The following LYPD6 variants were observed in gnomAD, a reference collection of about 807,000 sequenced individuals.
LYPD6 encodes ly6/PLAUR domain-containing protein 6.
A neutral mutation model predicts 22.7 loss-of-function variants in LYPD6; 15 were observed. The observed-to-expected ratio is 0.66, with a 90% CI of 0.44 to 1.02. The LOEUF is 1.02. Among genes scored for constraint, LYPD6 ranks in the 50% least tolerant of loss-of-function variants. The pLI, the probability that LYPD6 is intolerant of heterozygous loss-of-function variation, is 0.00. For synonymous variants in LYPD6, 72 were observed against 77.5 expected, an observed-to-expected ratio of 0.93 and a Z score of 0.37; for missense variants, 189 against 208.4, an observed-to-expected ratio of 0.91 and a Z score of 0.57.
intron 1 of LYPD6, among the ~76,000 whole-genome samples, chr2:149,350,762 T>TTAACTCTCCTATTAC (rs1681343628): frequency 1.3e-5 from 2 of 152,242 alleles, no homozygotes; most frequent in African/African-American, 4.8e-5. Context: ...TAGTGTCTCC[T>TTAACTCTCCTATTAC]GTGCACTTGT....
intron 1 of LYPD6, among the ~76,000 whole-genome samples, chr2:149,339,562 A>G (rs569864340): frequency 2.0e-5 from 3 of 152,324 alleles, no homozygotes; most frequent in South Asian, 2.1e-4. Context: ...GGTTGCTACA[A>G]TAAAACAGCT....
At chr2:149,432,712 CTCTT>C (rs1161312803) in intron 1 of LYPD6, among the ~76,000 whole-genome samples, 2 of 152,206 alleles carry the variant, frequency 1.3e-5, no homozygotes, top group Non-Finnish European at 2.9e-5. Context: ...ATTTCCATCT[CTCTT>C]TTCCCCCTTT....
At chr2:149,336,359 A>C (rs1033758706) in intron 1 of LYPD6, among the ~76,000 whole-genome samples, 3 of 152,210 alleles carry the variant, frequency 2.0e-5, no homozygotes, top group African/African-American at 7.2e-5. Flanking sequence ...TTAAAGTCAA[A>C]ATGGAAGATT....
intron 1 of LYPD6, among the ~76,000 whole-genome samples, chr2:149,338,773 G>A (rs1166148116): frequency 6.6e-6 from 1 of 152,190 alleles, no homozygotes; most frequent in Non-Finnish European, 1.5e-5. Flanking sequence ...ATCCCCAGAA[G>A]GGATCTAGGA....
chr2:149,353,609 T>C (rs957762250), intron 1 of LYPD6, among the ~76,000 whole-genome samples: 22 of 152,298 alleles, frequency 1.4e-4, no homozygotes, highest in African/African-American at 5.3e-4. Context: ...TCGGTGTCAT[T>C]TTCTGGGCAA....
intron 1 of LYPD6, among the ~76,000 whole-genome samples, chr2:149,405,077 A>T (rs983618892): frequency 6.6e-6 from 1 of 152,158 alleles, no homozygotes; most frequent in Non-Finnish European, 1.5e-5. Flanking sequence ...CATCCCAGAG[A>T]TGAAGCCCAC....
intron 1 of LYPD6, among the ~76,000 whole-genome samples, chr2:149,417,740 A>G (rs1429530481): frequency 6.6e-6 from 1 of 152,228 alleles, no homozygotes; most frequent in African/African-American, 2.4e-5. Flanking sequence ...GTGAATCCCA[A>G]TATTAATTCA....
Position 149,442,253 on chromosome 2 carries a change from G to C in LYPD6, c.118+4427G>C, listed in dbSNP as rs1028641377. 3.9e-5 allele frequency among the ~76,000 whole-genome samples: 6 copies of C among 152,254 alleles called. No homozygotes were observed. The East Asian group carries it at 7.7e-4, about 20-fold the overall frequency. On this transcript the variant is annotated intron_variant, in intron 2 of 4. Coordinates refer to ENST00000334166, the MANE Select transcript of LYPD6 (RefSeq NM_194317.5). ...AGCATACCTTTCAAAACAAAAGTCT[G>C]TTCTCACCACGGTTCTGGTAACTGA...
At chr2:149,369,404 G>A (rs528581574) in intron 1 of LYPD6, among the ~76,000 whole-genome samples, 12 of 152,118 alleles carry the variant, frequency 7.9e-5, no homozygotes, top group African/African-American at 1.2e-4. Flanking sequence ...CTGTGTGGGT[G>A]ACATACCCAC....
At chr2:149,381,824 G>C (rs1395191069) in intron 1 of LYPD6, among the ~76,000 whole-genome samples, 2 of 152,186 alleles carry the variant, frequency 1.3e-5, no homozygotes, top group African/African-American at 4.8e-5. Flanking sequence ...TGAAGTCAAA[G>C]TGTGGATCTC....
At chr2:149,341,735 G>A (rs72862275) in intron 1 of LYPD6, among the ~76,000 whole-genome samples, 12,041 of 152,194 alleles carry the variant, frequency 0.079, 1,123 homozygotes, top group East Asian at 0.49. Flanking sequence ...TTCTAAGATG[G>A]CACTTTGTTG....
chr2:149,431,764 G>A (rs1465446552), intron 1 of LYPD6, among the ~76,000 whole-genome samples: 1 of 152,070 alleles, frequency 6.6e-6, no homozygotes, highest in Non-Finnish European at 1.5e-5. Context: ...AAAATAATGT[G>A]TGGGCTCTAT....
intron 3 of LYPD6, among the ~76,000 whole-genome samples, chr2:149,459,082 A>G (rs1681030806): frequency 6.6e-6 from 1 of 152,252 alleles, no homozygotes; most frequent in African/African-American, 2.4e-5. Flanking sequence ...AACCCCAAAG[A>G]GGACAAAACT....
intron 1 of LYPD6, among the ~76,000 whole-genome samples, chr2:149,425,489 A>C (rs1273531425): frequency 3.3e-5 from 5 of 152,204 alleles, no homozygotes. Context: ...TTTCTTATCC[A>C]TAGGAGGCTA....
chr2:149,349,838 TC>T (rs1383689386), intron 1 of LYPD6, among the ~76,000 whole-genome samples: 7 of 152,188 alleles, frequency 4.6e-5, no homozygotes, highest in African/African-American at 1.7e-4. Context: ...TGAATTTAGT[TC>T]CTCTTATAAT....
intron 1 of LYPD6, among the ~76,000 whole-genome samples, chr2:149,396,299 C>T (rs1682427819): frequency 6.6e-6 from 1 of 151,792 alleles, no homozygotes; most frequent in African/African-American, 2.4e-5. Context: ...ATTCAATTTT[C>T]TACTTGAGTC....
At chr2:149,456,924 C>G (rs930093005) in intron 3 of LYPD6, among the ~76,000 whole-genome samples, 1 of 152,144 alleles carries the variant, frequency 6.6e-6, no homozygotes, top group African/African-American at 2.4e-5. Flanking sequence ...TTCTTTCACT[C>G]AATATTATGT....
At chr2:149,345,949 T>G (rs937920191) in intron 1 of LYPD6, among the ~76,000 whole-genome samples, 5 of 152,146 alleles carry the variant, frequency 3.3e-5, no homozygotes, top group Admixed American at 3.3e-4. Context: ...ACTCTTCCAT[T>G]TTTAGAGGCC....
At chr2:149,356,900 G>A (rs1164196414) in intron 1 of LYPD6, among the ~76,000 whole-genome samples, 2 of 152,092 alleles carry the variant, frequency 1.3e-5, no homozygotes. Flanking sequence ...ATTTTTCTTT[G>A]TTTACTGATT....
Sources: allele counts gnomAD v4.1 joint callset (sites outside exome capture counted in the v4.1 genomes callset), GRCh38; gene constraint gnomAD v4.1.1; transcripts MANE v1.5; gene names NCBI Gene and HGNC (gene_info 2026-07-23, HGNC 2026-07-21).